The following MYO7A variants were observed in gnomAD, a reference collection of about 807,000 sequenced individuals.
MYO7A encodes the protein unconventional myosin-VIIa.
MYO7A carries 210 observed loss-of-function variants against 263.8 expected under a neutral mutation model. That is an observed-to-expected ratio of 0.80 (90% CI 0.71 to 0.89). The LOEUF is 0.89. MYO7A is among the 40% of genes least tolerant of loss of function. The probability of loss-of-function intolerance (pLI) is 0.00; values close to 1 mark genes in which losing one functional copy is unlikely to be tolerated. For missense variants in MYO7A, 2,820 were observed against 2,968.3 expected, an observed-to-expected ratio of 0.95 and a Z score of 1.16; for synonymous variants, 1,239 against 1,197.3, an observed-to-expected ratio of 1.03 and a Z score of -0.72.
chr11:77,182,161 C>A lies in MYO7A; in HGVS notation c.3108+7C>A, dbSNP rs782615895. Reference sequence around the variant, plus strand: ...CGACGAGGGTGACCAGCTGGTAAGGCCTGCCTGTCACTAGGTCACTGCTGG... The same window carrying A: ...CGACGAGGGTGACCAGCTGGTAAGGACTGCCTGTCACTAGGTCACTGCTGG... On this transcript the variant is annotated splice_region_variant and intron_variant, in intron 24 of 48. Transcript: ENST00000409709. The A allele has an allele frequency of 1.2e-6, 2 of 1,612,928 alleles. No individual in the cohort carries two copies. The highest frequency in any genetic ancestry group is 1.3e-5 in the African/African-American group (1 of 74,908).
chr11:77,152,571 G>C (rs575644547), intron 4 of MYO7A, among the ~76,000 whole-genome samples: 31 of 152,090 alleles, frequency 2.0e-4, no homozygotes, highest in East Asian at 3.9e-4. Context: ...TGATATCCGG[G>C]GCCTGGAGAG....
chr11:77,131,301 G>C (rs1950759460), intron 2 of MYO7A, among the ~76,000 whole-genome samples: 1 of 152,226 alleles, frequency 6.6e-6, no homozygotes, highest in Admixed American at 6.5e-5. Context: ...TGTGCATTAT[G>C]GGGGCTTGGC....
chr11:77,203,237 G>T lies in MYO7A; in HGVS notation c.5326+20G>T, dbSNP rs755375339. The T allele has an allele frequency of 8.4e-6, 13 of 1,545,808 alleles. No individual in the cohort carries two copies. Among genetic ancestry groups the T allele is most frequent in the African/African-American group, 1.4e-5 (1 of 73,038 alleles). On this transcript the variant is annotated intron_variant, in intron 38 of 48. Coordinates refer to ENST00000409709, the MANE Select transcript of MYO7A (RefSeq NM_000260.4). ...TCATTGATATCCGTGCCACTGGGCT[G>T]TGCCCAGGGGAGCCAGGGACCGGGC... is the stretch of plus-strand genomic sequence containing the variant.
intron 32 of MYO7A, among the ~76,000 whole-genome samples, chr11:77,195,031 A>C (rs888976545): frequency 6.6e-6 from 1 of 152,008 alleles, no homozygotes; most frequent in Non-Finnish European, 1.5e-5. Context: ...AGAAGGTGGG[A>C]GCACTGGCTG....
Position 77,179,804 on chromosome 11 carries a change from GC to G in MYO7A, c.2440del (p.Arg814AlafsTer37). 1 of 1,547,810 alleles carries G rather than the reference GC, an allele frequency of 6.5e-7. No homozygotes were observed. Among genetic ancestry groups the G allele is most frequent in the Non-Finnish European group, 8.7e-7 (1 of 1,148,746 alleles). On this transcript the variant is annotated frameshift_variant, in exon 21 of 49. Transcript: ENST00000409709. LOFTEE classifies it high-confidence loss of function. ...GAAGCTGCACCAGCAGTACCGCCTG[GC>G]CCGCCAGCGCATCATCCAGTTCCAG... ...SRKLHQQYRL[A>X]RQRIIQFQAR...
chr11:77,210,229 G>A (rs936541953), intron 44 of MYO7A, among the ~76,000 whole-genome samples: 1 of 152,222 alleles, frequency 6.6e-6, no homozygotes, highest in African/African-American at 2.4e-5. Context: ...AGGGAGGGTA[G>A]GCATTGTTGC....
At position 77,147,880 on chromosome 11, in the gene MYO7A, G is replaced by C. The variant is rs886048670; in HGVS notation, c.215G>C (p.Arg72Pro). The part of the protein sequence containing the change: ...TSVHGVEDMI[R>P]LGDLNEAGIL... Reference sequence around the variant, plus strand: ...GTCCACGGCGTGGAGGACATGATCCGCCTGGGGGACCTCAACGAGGCGGGC... The same window carrying C: ...GTCCACGGCGTGGAGGACATGATCCCCCTGGGGGACCTCAACGAGGCGGGC... The change falls in exon 4 of 49, where the codon CGC becomes CCC. Residue 72 changes from arginine (R) to proline (P), a missense_variant. Transcript: ENST00000409709. 6.2e-7 allele frequency: 1 copy of C among 1,600,276 alleles called. No individual in the cohort carries two copies. Among genetic ancestry groups the C allele is most frequent in the Admixed American group, 1.7e-5 (1 of 58,348 alleles).
At position 77,190,759 on chromosome 11, in the gene MYO7A, C is replaced by T. The variant is rs1388606286; in HGVS notation, c.3813C>T (p.Thr1271=). The change falls in exon 30 of 49, where the codon ACC becomes ACT. Residue 1271 remains threonine, a synonymous_variant. Transcript: ENST00000409709. ...CATTCATGGATGGGACCACCAAGAC[C>T]CTGCTGACGGACTCGGCAACCACGG... ...PVTFMDGTTK[T]LLTDSATTAK... is the part of the protein sequence containing the mutation. The T allele has an allele frequency of 3.1e-6, 5 of 1,600,050 alleles. No individual in the cohort carries two copies. In the Admixed American group the frequency reaches 6.9e-5, roughly 22 times the overall value.
rs2135406234 is a variant in MYO7A, at chr11:77,172,748, G to A, written c.1798G>A (p.Gly600Ser). Residue 600 changes from glycine (G) to serine (S), a missense_variant and splice_region_variant, in exon 16 of 49, where the codon GGC becomes AGC. Gly to Ser is a moderately conservative substitution (Grantham distance 56). Transcript: ENST00000409709. The stretch of plus-strand genomic sequence containing the variant: ...CCATCGCTGCCGTCCGTCCCCCCAG[G>A]GCGCCGAGACCAGGAAGCGCTCGCC... ...KQIFQADVAM[G>S]AETRKRSPTL... 2 of 1,555,742 alleles carry A rather than the reference G, an allele frequency of 1.3e-6. No homozygotes were observed. The highest frequency in any genetic ancestry group is 1.4e-5 in the African/African-American group (1 of 73,358).
chr11:77,209,017 C>A (rs1223356384), intron 44 of MYO7A: 34 of 575,334 alleles, frequency 5.9e-5, no homozygotes, highest in Non-Finnish European at 1.0e-4. Context: ...CTTGACAGTT[C>A]CTCCTCTGAG....
chr11:77,153,164 C>T lies in MYO7A; in HGVS notation c.286-2743C>T, dbSNP rs575933605. On this transcript the variant is annotated intron_variant, in intron 4 of 48. Transcript: ENST00000409709. ...GGGTTGAGTATGGAAGCCGGGAGTC[C>T]AGTGGGGAGGCACCTGCAGTGGGCT... 8.5e-4 allele frequency among the ~76,000 whole-genome samples: 130 copies of T among 152,154 alleles called. 1 individual carries two copies. The highest frequency in any genetic ancestry group is 1.5e-3 in the South Asian group (7 of 4,818).
At chr11:77,196,116 C>T (rs1413086704) in intron 32 of MYO7A, among the ~76,000 whole-genome samples, 2 of 152,226 alleles carry the variant, frequency 1.3e-5, no homozygotes, top group Non-Finnish European at 2.9e-5. Context: ...CGCCTGTAAT[C>T]CCAGCACTTT....
chr11:77,156,520 TG>T, intron 5 of MYO7A, 139 bp from the exon 6 acceptor site: 1 of 1,243,540 alleles, frequency 8.0e-7, no homozygotes, highest in Non-Finnish European at 1.1e-6. Context: ...CCTTGAGCCC[TG>T]CCCCAGCCCT....
chr11:77,172,275 C>T (rs1954168458), intron 15 of MYO7A, among the ~76,000 whole-genome samples: 1 of 152,246 alleles, frequency 6.6e-6, no homozygotes, highest in South Asian at 2.1e-4. Flanking sequence ...TAGTGACCTG[C>T]CCAAGGGCAC....
At position 77,138,222 on chromosome 11, in the gene MYO7A, C is replaced by A. The variant is rs2135562577; in HGVS notation, c.19-4487C>A. 6.6e-6 allele frequency among the ~76,000 whole-genome samples: 1 copy of A among 152,086 alleles called. No individual in the cohort carries two copies. The highest frequency in any genetic ancestry group is 1.9e-4 in the East Asian group (1 of 5,136). ...GTTGCCATGGGCCCGCAGCAGATGG[C>A]CCGGTTTAGGGTTCCGGGGCGGGCG... On this transcript the variant is annotated intron_variant, in intron 2 of 48. Transcript: ENST00000409709. This position sits in a 1 kb window ranked among gnomAD's most constrained non-coding sequence, Gnocchi z 4.9.
chr11:77,193,997 TCTG>T (rs1956443971), intron 31 of MYO7A: 1 of 496,918 alleles, frequency 2.0e-6, no homozygotes, highest in Non-Finnish European at 3.9e-6. Context: ...CACTTCCTCT[TCTG>T]CTGTTTGTCA....
chr11:77,163,457 C>T (rs548772020), intron 14 of MYO7A, among the ~76,000 whole-genome samples: 3 of 152,334 alleles, frequency 2.0e-5, no homozygotes, highest in African/African-American at 4.8e-5. Context: ...GTCCAGCCTA[C>T]TACATAGCTA....
At chr11:77,172,705 G>C (rs370157966) in intron 15 of MYO7A, 43 bp from the exon 16 acceptor site, 1 of 1,545,764 alleles carries the variant, frequency 6.5e-7, no homozygotes. Context: ...ACACTGGATG[G>C]GGCAGGCACA....
Position 77,207,377 on chromosome 11 carries a change from G to T in MYO7A, c.5831G>T (p.Ser1944Ile). ...CTCCTCAAGTCCTCAGAGGGATTCA[G>T]CCTCTTTGTCAAAATTGCAGACAAG... is the stretch of plus-strand genomic sequence containing the variant. ...RLLLKSSEGF[S>I]LFVKIADKVL... Residue 1944 changes from serine to isoleucine, a missense_variant, in exon 42 of 49, where the codon AGC (serine) becomes ATC (isoleucine). Transcript: ENST00000409709. 1 of 1,610,376 alleles carries T rather than the reference G, an allele frequency of 6.2e-7. No homozygotes were observed. The highest frequency in any genetic ancestry group is 8.5e-7 in the Non-Finnish European group (1 of 1,178,330).
Sources: allele counts gnomAD v4.1 joint callset (sites outside exome capture counted in the v4.1 genomes callset), GRCh38; gene constraint gnomAD v4.1.1; non-coding constraint Gnocchi (gnomAD v3.1); transcripts MANE v1.5; gene names NCBI Gene and HGNC (gene_info 2026-07-23, HGNC 2026-07-21).